Variants in GNA15 observed in about 807,000 individuals in gnomAD.
The protein encoded by GNA15 is guanine nucleotide-binding protein subunit alpha-15.
In GNA15, 23 loss-of-function variants were observed where a neutral mutation model predicts 40.1. The ratio of observed to expected loss-of-function variants is 0.57; its 90% CI spans 0.41 to 0.81. The LOEUF is 0.81. GNA15 is among the 40% of genes least tolerant of loss of function. The pLI, the probability that GNA15 is intolerant of heterozygous loss-of-function variation, is 0.00. For missense variants in GNA15, 522 were observed against 515.8 expected (o/e 1.01, Z -0.12); for synonymous variants, 226 against 210.4 (o/e 1.07, Z -0.64).
rs1914987282 is a variant in GNA15 at position 3,155,386 on chromosome 19, C to T, written c.615-437C>T. 6.6e-6 allele frequency among the ~76,000 whole-genome samples: 1 copy of T among 152,170 alleles called. No individual in the cohort carries two copies. The highest frequency in any genetic ancestry group is 6.5e-5 in the Admixed American group (1 of 15,276). On this transcript the variant is annotated intron_variant, in intron 4 of 6. Coordinates refer to ENST00000262958, the MANE Select transcript of GNA15 (RefSeq NM_002068.4). The surrounding 1 kb of genome is among the most constrained non-coding windows in gnomAD (Gnocchi z 5.6). ...GGGAGGACGTGTGCTCTGGGAACAGCCCTCATTCCCATCTGTGTGGCCACT... is the reference window on the plus strand; with the variant it reads ...GGGAGGACGTGTGCTCTGGGAACAGTCCTCATTCCCATCTGTGTGGCCACT...
At chr19:3,147,369 A>G (rs1914749721) in intron 1 of GNA15, among the ~76,000 whole-genome samples, 1 of 151,490 alleles carries the variant, frequency 6.6e-6, no homozygotes, top group African/African-American at 2.4e-5. Context: ...CCTGGCTAAC[A>G]TGGTGAAACC....
intron 4 of GNA15, among the ~76,000 whole-genome samples, chr19:3,152,754 C>T (rs1225572524): frequency 2.0e-5 from 3 of 152,080 alleles, no homozygotes; most frequent in Non-Finnish European, 4.4e-5. Flanking sequence ...CCAGAGACAG[C>T]GATTGTGTTT....
intron 1 of GNA15, among the ~76,000 whole-genome samples, chr19:3,143,966 CA>C (rs911497490): frequency 1.1e-4 from 16 of 148,336 alleles, no homozygotes; most frequent in Admixed American, 9.4e-4. Context: ...TAAAAAAAAA[CA>C]AAAAAAATTA....
At position 3,148,839 on chromosome 19, in the gene GNA15, C is replaced by T. The variant is rs748268796; in HGVS notation, c.330+64C>T. On this transcript the variant is annotated intron_variant, in intron 2 of 6. Coordinates refer to ENST00000262958, the MANE Select transcript of GNA15 (RefSeq NM_002068.4). ...GGGCCCAGGGCAGGGTTCCCCAGAC[C>T]CCGGAGCAGGGCCAAGTTCCCCAGA... 1.3e-4 allele frequency: 185 copies of T among 1,462,960 alleles called. 1 individual carries two copies. The highest frequency in any genetic ancestry group is 1.6e-4 in the Non-Finnish European group (172 of 1,095,530). 90.6% of individuals were successfully genotyped at this position (1,462,960 alleles called of 1,614,324 possible).
intron 1 of GNA15, among the ~76,000 whole-genome samples, chr19:3,145,359 A>ATATATATATATATATATATTT: frequency 2.2e-3 from 102 of 46,938 alleles, no homozygotes; most frequent in Non-Finnish European, 3.2e-3. Flanking sequence ...ATATATATAT[A>ATATATATATATATATATATTT]TTTTTTTTTT....
intron 1 of GNA15, among the ~76,000 whole-genome samples, chr19:3,144,791 G>A (rs917325108): frequency 1.3e-5 from 2 of 150,828 alleles, no homozygotes; most frequent in African/African-American, 4.9e-5. Flanking sequence ...GCCTCCCATA[G>A]TGCTGAGATT....
At chr19:3,141,009 C>A (rs1914563849) in intron 1 of GNA15, among the ~76,000 whole-genome samples, 1 of 152,126 alleles carries the variant, frequency 6.6e-6, no homozygotes. Flanking sequence ...GACCTCTGTC[C>A]CTTCTTGGAA....
chr19:3,159,592 G>A (rs1190247614), intron 6 of GNA15, among the ~76,000 whole-genome samples: 7 of 151,002 alleles, frequency 4.6e-5, no homozygotes, highest in Non-Finnish European at 1.0e-4. Context: ...TGATCCACCC[G>A]CCTCGGCCTC....
rs758892789 is a variant in GNA15 at position 3,155,815 on chromosome 19, C to T, written c.615-8C>T. 6 of 1,611,906 alleles carry T rather than the reference C, an allele frequency of 3.7e-6. No individual in the cohort carries two copies. In the African/African-American group the frequency reaches 4.0e-5, roughly 11 times the overall value. On this transcript the variant is annotated splice_region_variant and splice_polypyrimidine_tract_variant and intron_variant, in intron 4 of 6. Transcript: ENST00000262958. The surrounding 1 kb of genome is among the most constrained non-coding windows in gnomAD (Gnocchi z 5.6). The stretch of plus-strand genomic sequence containing the variant: ...AGCTCTGAAAGGGGGCACCTCGGTT[C>T]CCTGTAGGATCGTGGACGTCGGGGG...
intron 6 of GNA15, 52 bp from the exon 7 acceptor site, chr19:3,162,741 C>T (rs1454365999): frequency 2.3e-6 from 3 of 1,280,434 alleles, no homozygotes; most frequent in Admixed American, 1.7e-5. Flanking sequence ...CCAGAGGCCC[C>T]CTGGGTCCAA....
chr19:3,153,740 ATGGATGGATGGGTGGATGAG>A (rs1206016616), intron 4 of GNA15, among the ~76,000 whole-genome samples: 1 of 148,240 alleles, frequency 6.7e-6, no homozygotes, highest in African/African-American at 2.5e-5. Context: ...GGGTGAATGC[ATGGATGGATGGGTGGATGAG>A]TGGATGGATG....
Position 3,155,767 on chromosome 19 carries a change from G to C in GNA15, c.615-56G>C. The C allele has an allele frequency of 1.3e-6, 2 of 1,587,448 alleles. No individual in the cohort carries two copies. The highest frequency in any genetic ancestry group is 4.5e-5 in the East Asian group (2 of 44,730). ...ATATCCCAGACGTGATGGGGGTTGG[G>C]GGTGTCACGGAGCAGGCTCCTGAGC... On this transcript the variant is annotated intron_variant, in intron 4 of 6. Coordinates refer to ENST00000262958, the MANE Select transcript of GNA15 (RefSeq NM_002068.4). This position sits in a 1 kb window ranked among gnomAD's most constrained non-coding sequence, Gnocchi z 5.6.
chr19:3,145,359 A>ATATATATTT lies in GNA15; in HGVS notation c.146-3231_146-3230insATATATTTT. On this transcript the variant is annotated intron_variant, in intron 1 of 6. Coordinates refer to ENST00000262958, the MANE Select transcript of GNA15 (RefSeq NM_002068.4). ...TAAATATATATATATATATATATAT[A>ATATATATTT]TTTTTTTTTTTTTGTAGAGATGGGG... 9.1e-3 allele frequency among the ~76,000 whole-genome samples: 425 copies of ATATATATTT among 46,942 alleles called. 9 individuals carry two copies. The highest frequency in any genetic ancestry group is 0.01 in the South Asian group (14 of 1,344). The allele number at this position is 46,942 out of a possible 152,430, so 30.8% of individuals were successfully genotyped here.
intron 3 of GNA15, among the ~76,000 whole-genome samples, chr19:3,151,000 C>T (rs1914869292): frequency 6.6e-6 from 1 of 151,180 alleles, no homozygotes; most frequent in African/African-American, 2.4e-5. Flanking sequence ...TGATCCTGTT[C>T]CTGGGGGGAC....
At chr19:3,138,634 T>C (rs930185590) in intron 1 of GNA15, among the ~76,000 whole-genome samples, 2 of 152,290 alleles carry the variant, frequency 1.3e-5, no homozygotes, top group South Asian at 2.1e-4. Flanking sequence ...TTCTTATTTT[T>C]ATTTTTATTT....
intron 1 of GNA15, among the ~76,000 whole-genome samples, chr19:3,137,585 C>G (rs910234884): frequency 2.0e-5 from 3 of 151,944 alleles, no homozygotes; most frequent in Non-Finnish European, 4.4e-5. Context: ...AGATCGAGAC[C>G]AGCCTGACCA....
chr19:3,140,702 T>TG (rs1363376575), intron 1 of GNA15, among the ~76,000 whole-genome samples: 2 of 152,114 alleles, frequency 1.3e-5, no homozygotes, highest in Non-Finnish European at 2.9e-5. Context: ...CTAGCACAGG[T>TG]GTACAATGAG....
At chr19:3,150,048 G>C (rs1412579031) in intron 2 of GNA15, 83 bp from the exon 3 acceptor site, 88 of 1,196,320 alleles carry the variant, frequency 7.4e-5, no homozygotes, top group Non-Finnish European at 1.0e-4. Context: ...TTCAGGGAGG[G>C]ACGTGGGGGC....
Position 3,144,984 on chromosome 19 carries a change from A to G in GNA15, c.146-3607A>G, listed in dbSNP as rs868301760. Among the ~76,000 whole-genome samples, 16 of 151,600 alleles carry G rather than the reference A, an allele frequency of 1.1e-4. No homozygotes were observed. The South Asian group carries it at 1.2e-3, about 12-fold the overall frequency. On this transcript the variant is annotated intron_variant, in intron 1 of 6. Coordinates refer to ENST00000262958, the MANE Select transcript of GNA15 (RefSeq NM_002068.4). ...GCTGGGATTACAGGTGCGCGCCACC[A>G]TGCCCAGCTAATTTTTGTATTTTTA...
Sources: gnomAD v4.1 joint callset for allele counts (sites outside exome capture counted in the v4.1 genomes callset) on GRCh38, gnomAD v4.1.1 for gene constraint, Gnocchi (gnomAD v3.1) non-coding constraint, MANE v1.5 for transcripts, NCBI Gene and HGNC (gene_info 2026-07-23, HGNC 2026-07-21) for gene names.